Variants in RBFOX1 observed in about 807,000 individuals in gnomAD.
RBFOX1 encodes RNA binding protein fox-1 homolog 1.
Under a neutral mutation model 57.7 loss-of-function variants are expected in RBFOX1, and 8 were observed. That is an observed-to-expected ratio of 0.14 (90% CI 0.08 to 0.25). RBFOX1 has a LOEUF of 0.25. Among genes scored for constraint, RBFOX1 ranks in the 10% least tolerant of loss-of-function variants. RBFOX1 has a pLI of 1.00. For missense variants in RBFOX1, 611 were observed against 548.5 expected, an observed-to-expected ratio of 1.11 and a Z score of -1.14; for synonymous variants, 326 against 222.4, an observed-to-expected ratio of 1.47 and a Z score of -4.15.
At chr16:5,989,556 A>C (rs1567226762) in intron 4 of RBFOX1, among the ~76,000 whole-genome samples, 1 of 152,072 alleles carries the variant, frequency 6.6e-6, no homozygotes, top group African/African-American at 2.4e-5. Flanking sequence ...TGGGCTGTGG[A>C]TTCAGCAAGG....
intron 3 of RBFOX1, among the ~76,000 whole-genome samples, chr16:6,673,485 A>G (rs2098780771): frequency 6.6e-6 from 1 of 152,136 alleles, no homozygotes; most frequent in South Asian, 2.1e-4. Context: ...CTACTGGGGA[A>G]GTTGAGGTAG....
At position 5,428,122 on chromosome 16, in the gene RBFOX1, C is replaced by CTGTG. The variant is rs3084227; in HGVS notation, c.220-39072_220-39069dup. Among the ~76,000 whole-genome samples, 206 of 141,842 alleles carry CTGTG rather than the reference C, an allele frequency of 1.5e-3. 1 individual carries two copies. Among genetic ancestry groups the CTGTG allele is most frequent in the African/African-American group, 4.7e-3 (174 of 37,188 alleles). The allele number at this position is 141,842 out of a possible 152,430, so 93.1% of individuals were successfully genotyped here. A position where few individuals can be genotyped will look rare whatever the true frequency, so the allele number is the denominator to read the frequency against. On this transcript the variant is annotated intron_variant, in intron 1 of 2. Transcript: ENST00000585867. Reference sequence around the variant, plus strand: ...TCTGGAAGGGTGTGTGTGTGTGTGTCTGTGTGTGTGTGTGTGTGTGTGTGT... The same window carrying CTGTG: ...TCTGGAAGGGTGTGTGTGTGTGTGTCTGTGTGTGTGTGTGTGTGTGTGTGTGTGT...
At chr16:6,308,290 T>C (rs994311748) in intron 1 of RBFOX1, among the ~76,000 whole-genome samples, 1 of 152,252 alleles carries the variant, frequency 6.6e-6, no homozygotes, top group Non-Finnish European at 1.5e-5. Context: ...TTGTGATTAT[T>C]ATTTGCTTAT....
At chr16:5,529,733 AT>A (rs2044389280) in intron 2 of RBFOX1, among the ~76,000 whole-genome samples, 1 of 151,862 alleles carries the variant, frequency 6.6e-6, no homozygotes, top group Non-Finnish European at 1.5e-5. Flanking sequence ...CGCCTGGCTA[AT>A]TTTTTGTATT....
chr16:5,839,996 C>A (rs1265106047), intron 3 of RBFOX1, among the ~76,000 whole-genome samples: 1 of 152,190 alleles, frequency 6.6e-6, no homozygotes, highest in African/African-American at 2.4e-5. Context: ...CTGCCACAAG[C>A]ATCTACTGTG....
At chr16:6,608,867 G>C (rs2097990994) in intron 2 of RBFOX1, among the ~76,000 whole-genome samples, 1 of 152,220 alleles carries the variant, frequency 6.6e-6, no homozygotes, top group South Asian at 2.1e-4. Context: ...TGCCAGCAGG[G>C]CTGTTTTTTT....
intron 3 of RBFOX1, among the ~76,000 whole-genome samples, chr16:5,835,662 C>T (rs1021295874): frequency 6.6e-6 from 1 of 152,212 alleles, no homozygotes; most frequent in Non-Finnish European, 1.5e-5. Context: ...CTGGACCCTT[C>T]TTCTTAAGGT....
intron 2 of RBFOX1, among the ~76,000 whole-genome samples, chr16:6,413,806 C>A (rs913029032): frequency 1.3e-5 from 2 of 152,186 alleles, no homozygotes; most frequent in Non-Finnish European, 2.9e-5. Context: ...CCTCTACACA[C>A]TCACACTAGC....
At chr16:6,152,989 A>G (rs769466178) in intron 1 of RBFOX1, among the ~76,000 whole-genome samples, 1 of 148,678 alleles carries the variant, frequency 6.7e-6, no homozygotes, top group African/African-American at 2.5e-5. Context: ...TTCCTGTTTT[A>G]TGACTATTGG....
chr16:6,201,294 G>T (rs964238052), intron 1 of RBFOX1, among the ~76,000 whole-genome samples: 1 of 152,088 alleles, frequency 6.6e-6, no homozygotes, highest in South Asian at 2.1e-4. Flanking sequence ...TCTTTATAAG[G>T]GTTTTCTTTT....
chr16:5,542,086 A>T (rs1024246230), intron 2 of RBFOX1, among the ~76,000 whole-genome samples: 1 of 152,084 alleles, frequency 6.6e-6, no homozygotes, highest in Admixed American at 6.6e-5. Context: ...TTGAGGGTTG[A>T]TCTTATTCTA....
At chr16:6,517,609 G>C (rs564452563) in intron 2 of RBFOX1, among the ~76,000 whole-genome samples, 1 of 152,206 alleles carries the variant, frequency 6.6e-6, no homozygotes, top group South Asian at 2.1e-4. Flanking sequence ...TGCTTTGCCT[G>C]GGTGTTTAAT....
chr16:5,403,069 G>A (rs1054963198), intron 1 of RBFOX1, among the ~76,000 whole-genome samples: 2 of 151,580 alleles, frequency 1.3e-5, no homozygotes, highest in South Asian at 2.1e-4. Flanking sequence ...CCCTTACTAC[G>A]GGCGGGGCAT....
At chr16:5,450,328 G>T (rs1182687893) in intron 1 of RBFOX1, among the ~76,000 whole-genome samples, 1 of 152,196 alleles carries the variant, frequency 6.6e-6, no homozygotes, top group Non-Finnish European at 1.5e-5. Flanking sequence ...TGAGATTTAT[G>T]AAGGGTTCCA....
intron 1 of RBFOX1, among the ~76,000 whole-genome samples, chr16:5,251,213 C>A (rs1304758573): frequency 3.3e-5 from 5 of 152,206 alleles, no homozygotes; most frequent in Non-Finnish European, 7.3e-5. Context: ...CTCAAACATT[C>A]CTGGCAATGT....
At chr16:6,731,747 C>A (rs2215808) in intron 3 of RBFOX1, among the ~76,000 whole-genome samples, 137,598 of 151,884 alleles carry the variant, frequency 0.91, 63,953 homozygotes, top group East Asian at 1. Context: ...TCCTTTATTA[C>A]AGGATGCTTT....
intron 4 of RBFOX1, among the ~76,000 whole-genome samples, chr16:7,197,984 G>C (rs2087186283): frequency 9.1e-6 from 1 of 109,426 alleles, no homozygotes; most frequent in Non-Finnish European, 2.0e-5. Flanking sequence ...CATACCTTGT[G>C]GTTTTCTTTC....
intron 1 of RBFOX1, among the ~76,000 whole-genome samples, chr16:6,193,408 A>ACAT (rs1386298802): frequency 1.9e-4 from 17 of 88,448 alleles, no homozygotes; most frequent in Non-Finnish European, 3.8e-4. Flanking sequence ...ATATATATAT[A>ACAT]TATATATATA....
At chr16:7,143,184 GGC>G (rs2074212626) in intron 4 of RBFOX1, among the ~76,000 whole-genome samples, 6 of 152,068 alleles carry the variant, frequency 3.9e-5, no homozygotes, top group African/African-American at 1.4e-4. Context: ...ATAAAAGCAA[GGC>G]ATCTGATTCA....
Sources: allele counts gnomAD v4.1 joint callset (sites outside exome capture counted in the v4.1 genomes callset), GRCh38; gene constraint gnomAD v4.1.1; transcripts MANE v1.5; gene names NCBI Gene and HGNC (gene_info 2026-07-23, HGNC 2026-07-21).